The following ASB4 variants were observed in gnomAD, a reference collection of about 807,000 sequenced individuals.
ASB4 encodes ankyrin repeat and SOCS box protein 4.
ASB4 carries 35 observed loss-of-function variants against 38.6 expected under a neutral mutation model. That is an observed-to-expected ratio of 0.91 (90% CI 0.69 to 1.20). The LOEUF is 1.20. Among genes scored for constraint, ASB4 ranks in the 50% most tolerant of loss-of-function variants. ASB4 has a pLI of 0.00. For synonymous variants in ASB4, 195 were observed against 201.3 expected (o/e 0.97, Z 0.26); for missense variants, 557 against 527.2 (o/e 1.06, Z -0.55).
intron 3 of ASB4, among the ~76,000 whole-genome samples, chr7:95,531,257 T>C (rs1562822170): frequency 6.6e-6 from 1 of 152,226 alleles, no homozygotes; most frequent in East Asian, 1.9e-4. Context: ...TACTTCCATC[T>C]TTTTTTCTTA....
intron 1 of ASB4, among the ~76,000 whole-genome samples, chr7:95,489,093 A>T (rs1333469626): frequency 6.6e-6 from 1 of 152,232 alleles, no homozygotes; most frequent in Non-Finnish European, 1.5e-5. Context: ...AATATAGTCC[A>T]TCTAAGCCTA....
intron 2 of ASB4, among the ~76,000 whole-genome samples, chr7:95,511,675 T>TAA (rs1286676649): frequency 1.3e-5 from 2 of 150,264 alleles, no homozygotes; most frequent in African/African-American, 5.0e-5. Context: ...AAAAAAAAAA[T>TAA]AAATAAATAA....
intron 1 of ASB4, among the ~76,000 whole-genome samples, chr7:95,494,846 G>T (rs1218289559): frequency 3.9e-5 from 6 of 152,174 alleles, no homozygotes; most frequent in African/African-American, 1.4e-4. Flanking sequence ...CAGAGAGAGA[G>T]AATGCACATT....
rs140805293 is a variant in ASB4 at position 95,537,578 on chromosome 7, G to C, written c.1100G>C (p.Trp367Ser). The C allele has an allele frequency of 6.3e-7, 1 of 1,590,824 alleles. No homozygotes were observed. The highest frequency in any genetic ancestry group is 8.6e-7 in the Non-Finnish European group (1 of 1,166,564). Residue 367 changes from tryptophan (W) to serine (S), a missense_variant, in exon 5 of 5, where the codon TGG (tryptophan) becomes TCG (serine). Trp to Ser is a radical substitution (Grantham distance 177). Transcript: ENST00000325885. ...AIPDDDLEKY[W>S]DFYHSLFTVC... Reference sequence around the variant, plus strand: ...TCTTGCCTTCCTTTTCAGAAATACTGGGATTTTTACCACTCTCTCTTTACT... The same window carrying C: ...TCTTGCCTTCCTTTTCAGAAATACTCGGATTTTTACCACTCTCTCTTTACT...
intron 2 of ASB4, among the ~76,000 whole-genome samples, chr7:95,515,229 CTTTTTCTTTCTTTCTTTCTTTCCT>C (rs1790550874): frequency 2.4e-5 from 2 of 83,104 alleles, no homozygotes; most frequent in African/African-American, 1.1e-4. Context: ...TTCTTTCTTT[CTTTTTCTTTCTTTCTTTCTTTCCT>C]TCTTTCTTTC....
intron 2 of ASB4, among the ~76,000 whole-genome samples, chr7:95,525,283 C>G (rs1047353557): frequency 2.6e-5 from 4 of 152,110 alleles, no homozygotes; most frequent in Non-Finnish European, 2.9e-5. Context: ...TTTAAGCTAC[C>G]CAGTGTGTGG....
chr7:95,499,972 C>A (rs976313260), intron 2 of ASB4, among the ~76,000 whole-genome samples: 3 of 147,142 alleles, frequency 2.0e-5, no homozygotes, highest in African/African-American at 7.6e-5. Context: ...CTCCCGGGTT[C>A]ACGCCATTCT....
chr7:95,515,563 G>A (rs1023722919), intron 2 of ASB4, among the ~76,000 whole-genome samples: 3 of 151,686 alleles, frequency 2.0e-5, no homozygotes, highest in Non-Finnish European at 2.9e-5. Context: ...TTATAGGCAT[G>A]TGCCACCAAG....
chr7:95,532,925 G>T (rs1045394209), intron 3 of ASB4, among the ~76,000 whole-genome samples: 8 of 152,176 alleles, frequency 5.3e-5, no homozygotes, highest in Admixed American at 2.6e-4. Context: ...TCAAAAGGAG[G>T]CTGTGGTTTC....
chr7:95,492,772 C>T (rs1790190528), intron 1 of ASB4, among the ~76,000 whole-genome samples: 1 of 152,108 alleles, frequency 6.6e-6, no homozygotes, highest in African/African-American at 2.4e-5. Context: ...GGTTTTCAGA[C>T]CTGGAACCAA....
At chr7:95,526,820 G>A (rs1422119784) in intron 2 of ASB4, among the ~76,000 whole-genome samples, 1 of 152,112 alleles carries the variant, frequency 6.6e-6, no homozygotes, top group Non-Finnish European at 1.5e-5. Context: ...TTCCAGCAGC[G>A]CTGATATTAG....
At chr7:95,516,274 G>A (rs1183339618) in intron 2 of ASB4, among the ~76,000 whole-genome samples, 1 of 152,034 alleles carries the variant, frequency 6.6e-6, no homozygotes, top group Non-Finnish European at 1.5e-5. Context: ...TACAGTAATG[G>A]TACATATTCC....
intron 2 of ASB4, among the ~76,000 whole-genome samples, chr7:95,513,491 C>T (rs1288920347): frequency 1.3e-5 from 2 of 152,010 alleles, no homozygotes; most frequent in East Asian, 3.9e-4. Flanking sequence ...GGTTAGTCTT[C>T]GTTCTATGAA....
intron 2 of ASB4, among the ~76,000 whole-genome samples, chr7:95,519,610 A>T (rs891084859): frequency 3.3e-5 from 5 of 152,204 alleles, no homozygotes; most frequent in Admixed American, 6.5e-5. Context: ...TAAACAACTA[A>T]TGAGGATTCT....
chr7:95,544,855 C>T (rs1343451259), downstream of ASB4, among the ~76,000 whole-genome samples: 1 of 151,918 alleles, frequency 6.6e-6, no homozygotes, highest in African/African-American at 2.4e-5. Flanking sequence ...CCATCACGCC[C>T]AGCTAATTTT....
chr7:95,481,931 A>G (rs1195356820), upstream of ASB4, among the ~76,000 whole-genome samples: 1 of 152,236 alleles, frequency 6.6e-6, no homozygotes, highest in Non-Finnish European at 1.5e-5. Context: ...AATTTCTGAC[A>G]GGCCTGACTA....
chr7:95,521,720 T>C (rs908635711), intron 2 of ASB4, among the ~76,000 whole-genome samples: 2 of 150,988 alleles, frequency 1.3e-5, no homozygotes, highest in African/African-American at 4.9e-5. Context: ...TTCAAAGACA[T>C]GTTGTGATGG....
chr7:95,474,194 C>CT (rs1789953224), upstream of ASB4, among the ~76,000 whole-genome samples: 1 of 152,168 alleles, frequency 6.6e-6, no homozygotes, highest in Admixed American at 6.5e-5. Context: ...ATGTGCTGAA[C>CT]TTTAGTCTTT....
intron 2 of ASB4, among the ~76,000 whole-genome samples, chr7:95,499,661 A>G (rs1258198909): frequency 3.3e-5 from 5 of 152,150 alleles, no homozygotes. Context: ...GCAGAAGTGA[A>G]CATAAGAAGA....
Sources: gnomAD v4.1 joint callset for allele counts (sites outside exome capture counted in the v4.1 genomes callset) on GRCh38, gnomAD v4.1.1 for gene constraint, MANE v1.5 for transcripts, NCBI Gene and HGNC (gene_info 2026-07-23, HGNC 2026-07-21) for gene names.